The following ADA2 variants were observed in gnomAD, a reference collection of about 807,000 sequenced individuals.
ADA2 encodes the protein adenosine deaminase 2, also known as adenosine deaminase CECR1.
Under a neutral mutation model 44.2 loss-of-function variants are expected in ADA2, and 29 were observed. The ratio of observed to expected loss-of-function variants is 0.66; its 90% CI spans 0.49 to 0.89. The LOEUF (loss-of-function observed/expected upper bound fraction) is 0.89. Ranked by LOEUF, ADA2 falls within the 40% of genes least tolerant of loss-of-function variation. The pLI, the probability that ADA2 is intolerant of heterozygous loss-of-function variation, is 0.00. For missense variants in ADA2, 637 were observed against 644.8 expected (o/e 0.99, Z 0.13); for synonymous variants, 215 against 234.9 (o/e 0.92, Z 0.77).
intron 7 of ADA2, among the ~76,000 whole-genome samples, chr22:17,187,076 G>C (rs1306269463): frequency 6.9e-6 from 1 of 144,810 alleles, no homozygotes; most frequent in Non-Finnish European, 1.5e-5. Context: ...TGAGGCAGGA[G>C]AATGGCATGA....
At chr22:17,200,654 G>C (rs950427734) in intron 4 of ADA2, among the ~76,000 whole-genome samples, 1 of 152,080 alleles carries the variant, frequency 6.6e-6, no homozygotes, top group Non-Finnish European at 1.5e-5. Context: ...GGCCGAGGTG[G>C]GTGGATCACC....
intron 6 of ADA2, 148 bp from the exon 7 acceptor site, chr22:17,188,595 G>A: frequency 1.7e-6 from 1 of 571,596 alleles, no homozygotes; most frequent in Non-Finnish European, 3.1e-6. Flanking sequence ...ATGACCAGGA[G>A]CAGGCCAGGC....
intron 1 of ADA2, among the ~76,000 whole-genome samples, chr22:17,216,152 A>T (rs2062469255): frequency 1.3e-5 from 2 of 152,094 alleles, no homozygotes; most frequent in African/African-American, 2.4e-5. Context: ...GCACCACTGC[A>T]CTCCAGCCTG....
Position 17,190,037 on chromosome 22 carries a change from GAGAC to G in ADA2, c.882-9_882-6del, listed in dbSNP as rs774644147. On this transcript the variant is annotated splice_region_variant and splice_polypyrimidine_tract_variant and intron_variant, in intron 5 of 9. Transcript: ENST00000399837. ...ATGACAGCCACATCTTTGGATCTGT[GAGAC>G]AGACAGAGAAGCCAGGAGACAGTGC... 17 of 1,605,734 alleles carry G rather than the reference GAGAC, an allele frequency of 1.1e-5. No individual in the cohort carries two copies. The highest frequency in any genetic ancestry group is 4.4e-5 in the South Asian group (4 of 90,904).
At position 17,181,329 on chromosome 22, in the gene ADA2, G is replaced by A. The variant is rs1249786845; in HGVS notation, c.*154C>T. 3.0e-6 allele frequency: 2 copies of A among 659,288 alleles called. No homozygotes were observed. Among genetic ancestry groups the A allele is most frequent in the East Asian group, 5.2e-5 (2 of 38,590 alleles). 40.8% of individuals were successfully genotyped at this position (659,288 alleles called of 1,614,324 possible). On this transcript the variant is annotated 3_prime_UTR_variant, in exon 10 of 10. Transcript: ENST00000399837. ...TGGCTGAGAGAGAATATTTCCAGAG[G>A]ATGAATTTGCTCAGCCAGCCAAGTG...
chr22:17,197,877 A>G (rs62239165), intron 4 of ADA2, among the ~76,000 whole-genome samples: 4,876 of 152,176 alleles, frequency 0.032, 98 homozygotes, highest in South Asian at 0.061. Flanking sequence ...CGTCTCTACT[A>G]AAAATAGAAA....
rs2061962701 is a variant in ADA2, at chr22:17,181,076, T to C, written c.*407A>G. 6.4e-6 allele frequency: 1 copy of C among 155,174 alleles called. No homozygotes were observed. The highest frequency in any genetic ancestry group is 2.4e-5 in the African/African-American group (1 of 41,408). 9.6% of individuals were successfully genotyped at this position (155,174 alleles called of 1,614,324 possible). A position where few individuals can be genotyped will look rare whatever the true frequency, so the allele number is the denominator to read the frequency against. ...TTGCCTGAACCCGGGTGGCGGAGGT[T>C]GCACTGAGCTGAGATCGCACCATTG... On this transcript the variant is annotated 3_prime_UTR_variant, in exon 10 of 10. Transcript: ENST00000399837.
chr22:17,191,711 C>T lies in ADA2; in HGVS notation c.853G>A (p.Gly285Arg), dbSNP rs2062117298. 6.2e-7 allele frequency: 1 copy of T among 1,613,938 alleles called. No individual in the cohort carries two copies. Among genetic ancestry groups the T allele is most frequent in the African/African-American group, 1.3e-5 (1 of 74,910 alleles). ...TGATCCGAATAAATGATTTTGATTCCAATAAACTCAGGGTGAGTTTCCACA... is the reference window on the plus strand; with the variant it reads ...TGATCCGAATAAATGATTTTGATTCTAATAAACTCAGGGTGAGTTTCCACA... ...KFVETHPEFIGIKIIYSDHRS... is the reference protein window; with the variant it reads ...KFVETHPEFIRIKIIYSDHRS... The change falls in exon 5 of 10, where the codon GGA (glycine) becomes AGA (arginine). Residue 285 changes from glycine to arginine, a missense_variant. Transcript: ENST00000399837.
intron 7 of ADA2, among the ~76,000 whole-genome samples, chr22:17,186,241 T>A (rs1310576688): frequency 1.3e-5 from 2 of 152,140 alleles, no homozygotes; most frequent in African/African-American, 4.8e-5. Flanking sequence ...CAAGCACAAT[T>A]CACTCGGAGG....
chr22:17,199,416 T>TCCTCCCTCCCCTCCACTATCCTCTTCC, intron 4 of ADA2: 19 of 429,618 alleles, frequency 4.4e-5, no homozygotes, highest in East Asian at 1.6e-4. Context: ...TCTCAGCGTC[T>TCCTCCCTCCCCTCCACTATCCTCTTCC]CCTCCCTCCC....
At chr22:17,194,932 C>G (rs1468822449) in intron 4 of ADA2, among the ~76,000 whole-genome samples, 5 of 151,902 alleles carry the variant, frequency 3.3e-5, no homozygotes, top group Non-Finnish European at 7.4e-5. Context: ...GAAGGTGTCG[C>G]CCTCCCCTCT....
intron 2 of ADA2, 84 bp from the exon 3 acceptor site, chr22:17,207,374 A>C: frequency 1.0e-6 from 1 of 1,000,592 alleles, no homozygotes; most frequent in South Asian, 1.5e-5. Context: ...GGAGGGGGTG[A>C]AGTCCCATCC....
rs1285480967 is a variant in ADA2 at position 17,207,189 on chromosome 22, C to T, written c.424G>A (p.Gly142Arg). The change falls in exon 3 of 10, where the codon GGG becomes AGG. Residue 142 changes from glycine to arginine, a missense_variant. Physicochemically the swap from Gly to Arg is moderately radical, Grantham distance 125. Transcript: ENST00000399837. ...PHCHICFTPR[G>R]IMQFRFAHPT... ...TGAGCAAATCTGAACTGCATGATCCCCCTTGGGGTGAAACAGATGTGGCAG... is the reference window on the plus strand; with the variant it reads ...TGAGCAAATCTGAACTGCATGATCCTCCTTGGGGTGAAACAGATGTGGCAG... 1 of 1,614,186 alleles carries T rather than the reference C, an allele frequency of 6.2e-7. No homozygotes were observed. Among genetic ancestry groups the T allele is most frequent in the South Asian group, 1.1e-5 (1 of 91,080 alleles).
chr22:17,219,913 T>TGATC (rs1286142754), upstream of ADA2, among the ~76,000 whole-genome samples: 2 of 151,908 alleles, frequency 1.3e-5, no homozygotes, highest in Non-Finnish European at 2.9e-5. Flanking sequence ...TGACCTCAGG[T>TGATC]GATCCGCCCA....
intron 1 of ADA2, among the ~76,000 whole-genome samples, chr22:17,211,944 AAATTAATT>A (rs563709666): frequency 6.6e-6 from 1 of 152,074 alleles, no homozygotes; most frequent in Admixed American, 6.6e-5. Flanking sequence ...GAGGAAAAAA[AAATTAATT>A]AATTAATTAA....
upstream of ADA2, among the ~76,000 whole-genome samples, chr22:17,220,330 T>C (rs1388449510): frequency 6.6e-6 from 1 of 152,148 alleles, no homozygotes; most frequent in Non-Finnish European, 1.5e-5. Flanking sequence ...AAGGCTCCTG[T>C]ACCCAGGACG....
chr22:17,212,979 A>AT (rs2062433610), intron 1 of ADA2, among the ~76,000 whole-genome samples: 1 of 147,664 alleles, frequency 6.8e-6, no homozygotes, highest in African/African-American at 2.5e-5. Flanking sequence ...CTTTAGAGAC[A>AT]GGGTCTCACT....
At chr22:17,183,473 T>TG (rs2061997328) in intron 7 of ADA2, among the ~76,000 whole-genome samples, 2 of 147,302 alleles carry the variant, frequency 1.4e-5, no homozygotes, top group African/African-American at 5.0e-5. Context: ...TTTTTTTTTT[T>TG]TTTTTGAGAC....
chr22:17,193,101 C>A (rs2062141782), intron 4 of ADA2: 1 of 1,186,074 alleles, frequency 8.4e-7, no homozygotes, highest in African/African-American at 1.5e-5. Context: ...CAAAAAAAAA[C>A]AAAGAACACG....
Sources: allele counts gnomAD v4.1 joint callset (sites outside exome capture counted in the v4.1 genomes callset), GRCh38; gene constraint gnomAD v4.1.1; transcripts MANE v1.5; gene names NCBI Gene and HGNC (gene_info 2026-07-23, HGNC 2026-07-21).